PTCHD4: variants seen among roughly 807,000 people sequenced by gnomAD.
PTCHD4 encodes the protein patched domain containing 4.
PTCHD4 carries 33 observed loss-of-function variants against 58.1 expected under a neutral mutation model. The ratio of observed to expected loss-of-function variants is 0.57; its 90% CI spans 0.43 to 0.76. The LOEUF is 0.76. Among genes scored for constraint, PTCHD4 ranks in the 30% least tolerant of loss-of-function variants. The pLI is 0.00. For synonymous variants in PTCHD4, 478 were observed against 409.6 expected (o/e 1.17, Z -2.02); for missense variants, 1,058 against 1,027.1 (o/e 1.03, Z -0.41).
At chr6:48,055,267 A>G (rs1011642885) in intron 3 of PTCHD4, among the ~76,000 whole-genome samples, 2 of 152,202 alleles carry the variant, frequency 1.3e-5, no homozygotes, top group Non-Finnish European at 2.9e-5. Flanking sequence ...TAAAAAAGAC[A>G]TGCAACCTAT....
intron 1 of PTCHD4, among the ~76,000 whole-genome samples, chr6:48,072,557 T>A (rs1764994522): frequency 6.6e-6 from 1 of 152,214 alleles, no homozygotes; most frequent in Non-Finnish European, 1.5e-5. Flanking sequence ...CTTTGTTTTA[T>A]TGGAGAATGG....
intron 1 of PTCHD4, among the ~76,000 whole-genome samples, chr6:48,083,132 A>T (rs1358121736): frequency 6.7e-6 from 1 of 150,208 alleles, no homozygotes; most frequent in Non-Finnish European, 1.5e-5. Flanking sequence ...GTCTGCATAT[A>T]TATATATTTT....
At chr6:48,094,989 G>A (rs1765434337) in intron 1 of PTCHD4, among the ~76,000 whole-genome samples, 1 of 152,174 alleles carries the variant, frequency 6.6e-6, no homozygotes, top group Non-Finnish European at 1.5e-5. Flanking sequence ...TTCAATGCAA[G>A]CACTGTCATT....
At chr6:48,031,329 C>T (rs944414448) in intron 3 of PTCHD4, among the ~76,000 whole-genome samples, 6 of 151,956 alleles carry the variant, frequency 3.9e-5, no homozygotes, top group Non-Finnish European at 7.4e-5. Flanking sequence ...CATCCAGTGA[C>T]CCACACCCTG....
chr6:48,020,155 G>A (rs1025087985), intron 3 of PTCHD4, among the ~76,000 whole-genome samples: 1 of 152,072 alleles, frequency 6.6e-6, no homozygotes, highest in African/African-American at 2.4e-5. Flanking sequence ...TGAACTCCAG[G>A]TATGCCTTGG....
chr6:48,106,313 A>T (rs1054100540), intron 1 of PTCHD4, among the ~76,000 whole-genome samples: 2 of 152,212 alleles, frequency 1.3e-5, no homozygotes, highest in Admixed American at 6.5e-5. Context: ...AAATCAATAG[A>T]CGTAATCCAG....
intron 4 of PTCHD4, among the ~76,000 whole-genome samples, chr6:47,993,382 G>T (rs12374650): frequency 0.14 from 20,808 of 152,134 alleles, 1,608 homozygotes; most frequent in South Asian, 0.21. Context: ...ATAAAAATTA[G>T]TCTACACAGG....
At chr6:47,905,085 A>ACACACG (rs1491511515) in intron 4 of PTCHD4, among the ~76,000 whole-genome samples, 1 of 150,410 alleles carries the variant, frequency 6.6e-6, no homozygotes, top group Non-Finnish European at 1.5e-5. Flanking sequence ...ACACACACAC[A>ACACACG]TAAATGAATG....
chr6:48,022,771 T>G (rs1763111100), intron 3 of PTCHD4, among the ~76,000 whole-genome samples: 1 of 152,110 alleles, frequency 6.6e-6, no homozygotes, highest in African/African-American at 2.4e-5. Flanking sequence ...TAAATTTTGT[T>G]TTTAAATTTG....
chr6:47,908,312 C>T (rs1175583563), intron 4 of PTCHD4, among the ~76,000 whole-genome samples: 2 of 152,250 alleles, frequency 1.3e-5, no homozygotes, highest in South Asian at 2.1e-4. Flanking sequence ...TTTCTAATGG[C>T]CATCAATCAA....
At chr6:48,038,225 A>G (rs1414169560) in intron 3 of PTCHD4, among the ~76,000 whole-genome samples, 1 of 152,110 alleles carries the variant, frequency 6.6e-6, no homozygotes, top group Admixed American at 6.6e-5. Context: ...ATTACCACCC[A>G]CTGTTCTAAG....
intron 3 of PTCHD4, among the ~76,000 whole-genome samples, chr6:48,020,494 G>A (rs180803198): frequency 8.6e-5 from 13 of 151,592 alleles, no homozygotes; most frequent in Admixed American, 3.9e-4. Flanking sequence ...AAGTAATTGC[G>A]GTTTTTGCTA....
At chr6:47,943,422 T>A (rs1766305793) in intron 4 of PTCHD4, among the ~76,000 whole-genome samples, 1 of 152,162 alleles carries the variant, frequency 6.6e-6, no homozygotes, top group Admixed American at 6.6e-5. Context: ...ATTGGCACTC[T>A]GCTACTGGAG....
At chr6:47,950,018 T>C (rs1375906642) in intron 4 of PTCHD4, among the ~76,000 whole-genome samples, 1 of 150,802 alleles carries the variant, frequency 6.6e-6, no homozygotes. Context: ...CTCCTAATGC[T>C]ATCTCTTCCC....
chr6:47,878,498 G>A lies in PTCHD4; in HGVS notation c.2337C>T (p.Phe779=). The A allele has an allele frequency of 4.3e-6, 7 of 1,613,504 alleles. No individual in the cohort carries two copies. The highest frequency in any genetic ancestry group is 5.9e-6 in the Non-Finnish European group (7 of 1,179,712). Reference sequence around the variant, plus strand: ...TGAGCAGCAAGCATTTGAACAGTGTGAAGGTCAGGTTCGAAGGCACAAATA... The same window carrying A: ...TGAGCAGCAAGCATTTGAACAGTGTAAAGGTCAGGTTCGAAGGCACAAATA... ...PLLFVPSNLT[F]TLFKCLLLTG... The change falls in exon 5 of 5, where the codon TTC becomes TTT. Residue 779 remains phenylalanine (F), a synonymous_variant. Coordinates refer to ENST00000339488, the MANE Select transcript of PTCHD4 (RefSeq NM_001384253.1).
At position 48,020,836 on chromosome 6, in the gene PTCHD4, G is replaced by A. The variant is rs571305914; in HGVS notation, c.418-11722C>T. ...ATGTATATATATATAAATATTCAAG[G>A]GAAATACATTGGCTTGTTTCTGGTA... On this transcript the variant is annotated intron_variant, in intron 3 of 4. Transcript: ENST00000339488. Among the ~76,000 whole-genome samples, 111 of 152,046 alleles carry A rather than the reference G, an allele frequency of 7.3e-4. 2 individuals are homozygous for A. The highest frequency in any genetic ancestry group is 8.3e-4 in the South Asian group (4 of 4,812).
chr6:48,000,655 G>C (rs1216469049), intron 4 of PTCHD4, among the ~76,000 whole-genome samples: 2 of 152,154 alleles, frequency 1.3e-5, no homozygotes, highest in African/African-American at 4.8e-5. Flanking sequence ...TGAAGGCACA[G>C]AGGAGGATTT....
rs953077431 is a variant in PTCHD4, at chr6:47,858,128, G to A, written c.*20175C>T. Among the ~76,000 whole-genome samples the A allele has an allele frequency of 6.6e-6, 1 of 151,962 alleles. No individual in the cohort carries two copies. The highest frequency in any genetic ancestry group is 6.6e-5 in the Admixed American group (1 of 15,234). On this transcript the variant is annotated 3_prime_UTR_variant, in exon 5 of 5. Coordinates refer to ENST00000339488, the MANE Select transcript of PTCHD4 (RefSeq NM_001384253.1). ...CCTTGTTGTACATTCCCTGGAAAGT[G>A]TTTGGTTAGAAATTATATAGCAAGT...
intron 4 of PTCHD4, among the ~76,000 whole-genome samples, chr6:47,892,446 C>T (rs570596566): frequency 6.6e-6 from 1 of 152,258 alleles, no homozygotes; most frequent in Non-Finnish European, 1.5e-5. Flanking sequence ...AATGTCATCA[C>T]TTTAAAGTTT....
Sources: gnomAD v4.1 joint callset for allele counts (sites outside exome capture counted in the v4.1 genomes callset) on GRCh38, gnomAD v4.1.1 for gene constraint, MANE v1.5 for transcripts, NCBI Gene and HGNC (gene_info 2026-07-23, HGNC 2026-07-21) for gene names.